SECISBP2L: variants seen among roughly 807,000 people sequenced by gnomAD.
SECISBP2L encodes selenocysteine insertion sequence-binding protein 2-like.
Under a neutral mutation model 114.7 loss-of-function variants are expected in SECISBP2L, and 43 were observed. The ratio of observed to expected loss-of-function variants is 0.38; its 90% confidence interval spans 0.29 to 0.48. The LOEUF (loss-of-function observed/expected upper bound fraction) is 0.48, where lower values mean the gene tolerates loss of function less well. Ranked by LOEUF, SECISBP2L falls within the 20% of genes least tolerant of loss-of-function variation. The pLI is 0.98. For synonymous variants in SECISBP2L, 451 were observed against 439.7 expected, an observed-to-expected ratio of 1.03 and a Z score of -0.32; for missense variants, 1,136 against 1,301.1, an observed-to-expected ratio of 0.87 and a Z score of 1.95.
rs1210926926 is a variant in SECISBP2L at position 49,014,065 on chromosome 15, TC to T, written c.1562-1249del. 3.9e-5 allele frequency among the ~76,000 whole-genome samples: 6 copies of T among 152,192 alleles called. No individual in the cohort carries two copies. The East Asian group carries it at 9.6e-4, about 24-fold the overall frequency. On this transcript the variant is annotated intron_variant, in intron 11 of 17. Transcript: ENST00000559471. Reference sequence around the variant, plus strand: ...TTTTCTCTCATTATCACTTTTCAAATCATTACAATTTGACCTCTGCCCAACC... The same window carrying T: ...TTTTCTCTCATTATCACTTTTCAAATATTACAATTTGACCTCTGCCCAACC...
At chr15:49,046,182 C>T (rs1190655875) in intron 1 of SECISBP2L, 94 bp downstream of exon 1, 3 of 1,405,344 alleles carry the variant, frequency 2.1e-6, no homozygotes, top group East Asian at 2.7e-5. Context: ...GCAGGACCGG[C>T]CCCCGGTCCC....
chr15:48,998,579 A>G (rs1310892703), intron 16 of SECISBP2L, among the ~76,000 whole-genome samples: 1 of 152,244 alleles, frequency 6.6e-6, no homozygotes, highest in East Asian at 1.9e-4. Context: ...ATAAAAGAAT[A>G]TAAGGAAAGA....
chr15:49,000,768 T>C (rs542551001), intron 15 of SECISBP2L, 109 bp downstream of exon 15: 12 of 841,114 alleles, frequency 1.4e-5, no homozygotes, highest in Middle Eastern at 3.6e-4. Context: ...TGCTCCAATA[T>C]TGTTTTATAC....
chr15:49,005,941 A>G (rs1272717129), intron 14 of SECISBP2L, among the ~76,000 whole-genome samples: 1 of 152,104 alleles, frequency 6.6e-6, no homozygotes, highest in African/African-American at 2.4e-5. Context: ...CTTGTAAGGC[A>G]GGCATGGTGG....
chr15:49,010,153 A>ACACACACACACACT (rs1190593953), intron 13 of SECISBP2L, among the ~76,000 whole-genome samples: 1 of 147,382 alleles, frequency 6.8e-6, no homozygotes, highest in African/African-American at 2.5e-5. Context: ...ACACACACAC[A>ACACACACACACACT]CCCCTCTTGC....
chr15:49,002,879 A>G (rs1902240198), intron 14 of SECISBP2L, among the ~76,000 whole-genome samples: 1 of 152,152 alleles, frequency 6.6e-6, no homozygotes, highest in Non-Finnish European at 1.5e-5. Context: ...GAAGTCAGGT[A>G]GTGTAATGCC....
Position 48,992,539 on chromosome 15 carries a change from T to G in SECISBP2L, c.3011A>C (p.His1004Pro), listed in dbSNP as rs1482471417. 1.2e-6 allele frequency: 2 copies of G among 1,614,224 alleles called. No homozygotes were observed. Among genetic ancestry groups the G allele is most frequent in the Non-Finnish European group, 1.7e-6 (2 of 1,180,042 alleles). Residue 1004 changes from histidine to proline, a missense_variant, in exon 18 of 18, where the codon CAT becomes CCT. By Grantham distance (77) the His-to-Pro change is moderately conservative (BLOSUM62 -2). Around this residue, in one of 2 missense-constraint regions of SECISBP2L, gnomAD observed 684 missense variants for 848.7 expected, o/e 0.81. Coordinates refer to ENST00000559471, the MANE Select transcript of SECISBP2L (RefSeq NM_001193489.2). ...EDEEEEEDYT[H>P]EPISVEVQLN... is the part of the protein sequence containing the mutation. ...CTGCACTTCTACAGATATGGGTTCATGAGTATAATCTTCCTCCTCCTCCTC... is the reference window on the plus strand; with the variant it reads ...CTGCACTTCTACAGATATGGGTTCAGGAGTATAATCTTCCTCCTCCTCCTC...
At chr15:48,996,303 G>A (rs545927924) in intron 17 of SECISBP2L, 64 bp downstream of exon 17, 1 of 1,409,980 alleles carries the variant, frequency 7.1e-7, no homozygotes, top group South Asian at 1.3e-5. Flanking sequence ...ATAAAAGGTA[G>A]AATAGAAAGT....
At chr15:49,023,597 T>C (rs1326328337) in intron 7 of SECISBP2L, among the ~76,000 whole-genome samples, 1 of 152,222 alleles carries the variant, frequency 6.6e-6, no homozygotes, top group African/African-American at 2.4e-5. Flanking sequence ...AGCATGTCTA[T>C]AACAGCAACA....
chr15:49,016,206 G>A (rs753815501), intron 11 of SECISBP2L, among the ~76,000 whole-genome samples: 12 of 152,186 alleles, frequency 7.9e-5, no homozygotes, highest in Admixed American at 2.0e-4. Flanking sequence ...ACAAGGGGTT[G>A]TGGGGAGGGA....
In SECISBP2L at chr15:49,028,599, C is replaced by A. The variant is rs556587603; in HGVS notation, c.748G>T (p.Ala250Ser). ...LWKSKGRRRR[A>S]SHPTAESSSE... ...GAAGATTCAGCAGTAGGGTGGGATG[C>A]TCTTCTTCTCCTGCCCTTGGACTTC... The change falls in exon 5 of 18, where the codon GCA becomes TCA. Residue 250 changes from alanine to serine, a missense_variant. By Grantham distance (99) the Ala-to-Ser change is moderately conservative. This residue lies in a region of SECISBP2L where 452 missense variants were observed against 452.3 expected (regional missense o/e 1.00). Transcript: ENST00000559471. The A allele has an allele frequency of 7.4e-6, 12 of 1,614,126 alleles. No homozygotes were observed. The Admixed American group carries it at 1.3e-4, about 18-fold the overall frequency.
intron 7 of SECISBP2L, among the ~76,000 whole-genome samples, chr15:49,024,317 G>A (rs1439196574): frequency 6.6e-6 from 1 of 151,986 alleles, no homozygotes; most frequent in Non-Finnish European, 1.5e-5. Flanking sequence ...CCAACATAGT[G>A]AAACCCTGTT....
intron 5 of SECISBP2L, 23 bp downstream of exon 5, chr15:49,028,430 G>C (rs762405675): frequency 3.0e-5 from 48 of 1,604,616 alleles, no homozygotes; most frequent in Non-Finnish European, 4.1e-5. Flanking sequence ...GACCAATAAA[G>C]AAATCAAGAC....
chr15:48,992,988 T>C (rs1902016322), intron 17 of SECISBP2L, 62 bp from the exon 18 acceptor site: 1 of 1,356,994 alleles, frequency 7.4e-7, no homozygotes, highest in African/African-American at 1.5e-5. Flanking sequence ...TGCAACTCTT[T>C]AAAAACCCCC....
chr15:49,039,238 T>C (rs971306325), intron 1 of SECISBP2L, among the ~76,000 whole-genome samples: 1 of 152,166 alleles, frequency 6.6e-6, no homozygotes, highest in Non-Finnish European at 1.5e-5. Context: ...AGTTGGTTTC[T>C]TAAAGATTAA....
intron 4 of SECISBP2L, among the ~76,000 whole-genome samples, chr15:49,031,215 T>G (rs1489186452): frequency 6.6e-6 from 1 of 151,642 alleles, no homozygotes; most frequent in East Asian, 1.9e-4. Context: ...ACAGAGCTGA[T>G]TTTTATATTT....
chr15:49,041,955 C>T (rs529598471), intron 1 of SECISBP2L, among the ~76,000 whole-genome samples: 1 of 152,286 alleles, frequency 6.6e-6, no homozygotes, highest in South Asian at 2.1e-4. Context: ...GTAAGTTTCA[C>T]AGACTCCAGA....
intron 1 of SECISBP2L, among the ~76,000 whole-genome samples, chr15:49,039,250 A>G (rs565049658): frequency 3.7e-4 from 56 of 152,328 alleles, no homozygotes; most frequent in African/African-American, 1.1e-3. Flanking sequence ...AAAGATTAAC[A>G]TAAGAGGCAA....
intron 17 of SECISBP2L, among the ~76,000 whole-genome samples, chr15:48,994,403 C>A (rs1902047372): frequency 1.3e-5 from 2 of 152,088 alleles, no homozygotes; most frequent in Admixed American, 6.6e-5. Context: ...GTCTAACTGG[C>A]TTTTTATCAC....
Sources: allele counts gnomAD v4.1 joint callset (sites outside exome capture counted in the v4.1 genomes callset), GRCh38; gene constraint gnomAD v4.1.1; regional missense constraint gnomAD v4.1.1; transcripts MANE v1.5; gene names NCBI Gene and HGNC (gene_info 2026-07-23, HGNC 2026-07-21).